The following MIR2052HG variants were observed in gnomAD, a reference collection of about 807,000 sequenced individuals.
The protein encoded by MIR2052HG is MIR2052 host gene.
chr8:74,731,417 C>T (rs13261346), intron 4 of MIR2052HG, among the ~76,000 whole-genome samples: 35,232 of 152,074 alleles, frequency 0.23, 5,235 homozygotes, highest in East Asian at 0.62. Context: ...GGAGCCTCAA[C>T]TAGCATTATT....
chr8:74,611,643 A>G (rs973524254), intron 1 of MIR2052HG, among the ~76,000 whole-genome samples: 1 of 152,196 alleles, frequency 6.6e-6, no homozygotes, highest in Non-Finnish European at 1.5e-5. Flanking sequence ...ATAATACATA[A>G]TACTTTTCTT....
At chr8:74,627,975 T>A (rs1808458189) in intron 2 of MIR2052HG, among the ~76,000 whole-genome samples, 1 of 152,198 alleles carries the variant, frequency 6.6e-6, no homozygotes, top group Non-Finnish European at 1.5e-5. Context: ...TTGGCTTAAG[T>A]TGAACATGGC....
At position 74,752,051 on chromosome 8, in the gene MIR2052HG, C is replaced by A. The variant is rs142972592; in HGVS notation, n.372-390C>A. 8.6e-3 allele frequency among the ~76,000 whole-genome samples: 1,305 copies of A among 152,112 alleles called. 22 individuals carry two copies. The highest frequency in any genetic ancestry group is 0.03 in the African/African-American group (1,232 of 41,504). ...ATCCCAGCACTTTGGGAGGCTGAGA[C>A]AAGAGGATCACTTGAGGCCAGGAGT... is the stretch of plus-strand genomic sequence containing the variant. On this transcript the variant is annotated intron_variant and non_coding_transcript_variant, in intron 4 of 6. Transcript: ENST00000523442.
intron 4 of MIR2052HG, among the ~76,000 whole-genome samples, chr8:74,749,955 A>C (rs1335856526): frequency 6.6e-6 from 1 of 152,058 alleles, no homozygotes; most frequent in African/African-American, 2.4e-5. Context: ...TTTCCAGTGC[A>C]TATCCTTGCT....
intron 4 of MIR2052HG, among the ~76,000 whole-genome samples, chr8:74,747,225 G>T (rs1349169366): frequency 3.9e-5 from 6 of 152,126 alleles, no homozygotes; most frequent in Non-Finnish European, 7.4e-5. Flanking sequence ...CTTGAACTAT[G>T]TCTTAGGCTT....
chr8:74,692,791 A>T (rs1809252349), intron 2 of MIR2052HG, among the ~76,000 whole-genome samples: 1 of 152,220 alleles, frequency 6.6e-6, no homozygotes, highest in African/African-American at 2.4e-5. Context: ...ATTTTGTAAG[A>T]TGCTTTTCTG....
chr8:74,608,912 A>G (rs984109812), intron 1 of MIR2052HG, among the ~76,000 whole-genome samples: 3 of 152,060 alleles, frequency 2.0e-5, no homozygotes, highest in African/African-American at 7.2e-5. Flanking sequence ...AATAAAATCC[A>G]AAGTAAATAC....
At chr8:74,629,856 A>G (rs1410902382) in intron 2 of MIR2052HG, among the ~76,000 whole-genome samples, 1 of 152,066 alleles carries the variant, frequency 6.6e-6, no homozygotes, top group Non-Finnish European at 1.5e-5. Flanking sequence ...CACAACTGTT[A>G]TTTCTCTCTA....
intron 2 of MIR2052HG, among the ~76,000 whole-genome samples, chr8:74,652,825 T>C (rs1563523569): frequency 6.6e-6 from 1 of 152,142 alleles, no homozygotes; most frequent in Non-Finnish European, 1.5e-5. Context: ...GCTTTGATGA[T>C]GGAGTGAGCA....
At chr8:74,722,260 C>T (rs948165424) in intron 4 of MIR2052HG, among the ~76,000 whole-genome samples, 3 of 152,180 alleles carry the variant, frequency 2.0e-5, no homozygotes, top group Non-Finnish European at 2.9e-5. Context: ...ATGGAGCAGC[C>T]TCTGCAGAAG....
At chr8:74,627,340 A>G (rs1207929663) in intron 2 of MIR2052HG, among the ~76,000 whole-genome samples, 1 of 152,248 alleles carries the variant, frequency 6.6e-6, no homozygotes, top group Non-Finnish European at 1.5e-5. Context: ...CTTAGTAAGC[A>G]CATGACCAAT....
At chr8:74,715,891 G>C (rs1369451839) in intron 4 of MIR2052HG, among the ~76,000 whole-genome samples, 1 of 152,154 alleles carries the variant, frequency 6.6e-6, no homozygotes, top group Non-Finnish European at 1.5e-5. Context: ...AAGTTTCTGT[G>C]GGGTTCAAAT....
At chr8:74,725,632 A>G (rs1809625106) in intron 4 of MIR2052HG, among the ~76,000 whole-genome samples, 2 of 152,128 alleles carry the variant, frequency 1.3e-5, no homozygotes, top group African/African-American at 4.8e-5. Flanking sequence ...TCTTAAATTT[A>G]CTTGATCATC....
At chr8:74,728,538 G>C (rs929489105) in intron 4 of MIR2052HG, among the ~76,000 whole-genome samples, 5 of 152,160 alleles carry the variant, frequency 3.3e-5, no homozygotes, top group African/African-American at 4.8e-5. Context: ...AAAGGATGTA[G>C]TCTAGTGGGG....
At position 74,608,250 on chromosome 8, in the gene MIR2052HG, G is replaced by A. The variant is rs1808141476; in HGVS notation, n.129-4603G>A. 4.6e-5 allele frequency among the ~76,000 whole-genome samples: 7 copies of A among 151,604 alleles called. No individual in the cohort carries two copies. In the South Asian group the frequency reaches 1.5e-3, roughly 31 times the overall value. On this transcript the variant is annotated intron_variant and non_coding_transcript_variant, in intron 1 of 6. Coordinates refer to ENST00000523442, the Ensembl canonical transcript of MIR2052HG. ...GAACTTGCCCTATAGGGAGTGTCTGGGGAAGAAGATGTAAAAGGTTATAAT... is the reference window on the plus strand; with the variant it reads ...GAACTTGCCCTATAGGGAGTGTCTGAGGAAGAAGATGTAAAAGGTTATAAT...
chr8:74,650,102 G>A lies in MIR2052HG; in HGVS notation n.216+37162G>A, dbSNP rs180809490. 2.8e-4 allele frequency among the ~76,000 whole-genome samples: 43 copies of A among 152,154 alleles called. 1 individual carries two copies. Among genetic ancestry groups the A allele is most frequent in the Admixed American group, 2.6e-3 (39 of 15,254 alleles). On this transcript the variant is annotated intron_variant and non_coding_transcript_variant, in intron 2 of 6. Transcript: ENST00000523442. ...TGAAATTTCCTCCCAGATTTGTTAA[G>A]ATATAACTTACACACAATAATATAA...
chr8:74,756,834 CA>C (rs1327511317), intron 5 of MIR2052HG: 2 of 152,356 alleles, frequency 1.3e-5, no homozygotes, highest in Middle Eastern at 6.8e-3. Context: ...CCCCCAACCC[CA>C]GCACCTAGTA....
At chr8:74,752,754 A>G (rs529397839) in intron 5 of MIR2052HG, among the ~76,000 whole-genome samples, 1 of 152,354 alleles carries the variant, frequency 6.6e-6, no homozygotes, top group South Asian at 2.1e-4. Context: ...AACAGTGTAA[A>G]AAATGAGTCA....
intron 1 of MIR2052HG, chr8:74,603,680 A>C: frequency 9.9e-7 from 1 of 1,008,414 alleles, no homozygotes; most frequent in South Asian, 1.3e-5. Context: ...CCGCCTGCAA[A>C]GATGACCGGA....
Sources: allele counts gnomAD v4.1 joint callset (sites outside exome capture counted in the v4.1 genomes callset), GRCh38; gene constraint gnomAD v4.1.1; transcripts MANE v1.5; gene names NCBI Gene and HGNC (gene_info 2026-07-23, HGNC 2026-07-21).